Variants in RANBP2 observed in about 807,000 individuals in gnomAD.
RANBP2 encodes the protein RAN binding protein 2.
In RANBP2, 57 loss-of-function variants were observed where a neutral mutation model predicts 303.6. The ratio of observed to expected loss-of-function variants is 0.19; its 90% confidence interval spans 0.15 to 0.23. The LOEUF is 0.23. RANBP2 is among the 10% of genes least tolerant of loss of function. RANBP2 has a pLI of 1.00. For synonymous variants in RANBP2, 1,167 were observed against 1,301.5 expected (o/e 0.90, Z 2.23); for missense variants, 3,138 against 3,780.8 (o/e 0.83, Z 4.46).
At chr2:109,723,900 G>A in the RANBP2 span, among the ~76,000 whole-genome samples, 1 of 152,088 alleles carries the variant, frequency 6.6e-6, no homozygotes, top group African/African-American at 2.4e-5. Context: ...TATAGTTTTG[G>A]GTTTTACATT....
the RANBP2 span, chr2:108,794,618 C>G: frequency 1.2e-6 from 2 of 1,614,076 alleles, no homozygotes; most frequent in Non-Finnish European, 8.5e-7. Context: ...CCTTTGAAAC[C>G]TGTCAGCTGT....
the RANBP2 span, among the ~76,000 whole-genome samples, chr2:109,320,815 C>T: frequency 6.6e-6 from 1 of 152,180 alleles, no homozygotes; most frequent in Admixed American, 6.5e-5. Flanking sequence ...CATGGACAGG[C>T]AGAGTGGTCA....
chr2:109,419,135 G>C, the RANBP2 span, among the ~76,000 whole-genome samples: 1 of 152,222 alleles, frequency 6.6e-6, no homozygotes, highest in Non-Finnish European at 1.5e-5. Flanking sequence ...TTAATCTCCA[G>C]TTCCTGGGGA....
chr2:109,507,929 G>T, the RANBP2 span, among the ~76,000 whole-genome samples: 1 of 152,310 alleles, frequency 6.6e-6, no homozygotes, highest in South Asian at 2.1e-4. Context: ...CGTGGGCAAA[G>T]CCTGTCCTGT....
At chr2:109,485,960 G>T in the RANBP2 span, among the ~76,000 whole-genome samples, 1 of 152,220 alleles carries the variant, frequency 6.6e-6, no homozygotes, top group Non-Finnish European at 1.5e-5. Flanking sequence ...GGAAGGTGGG[G>T]GCTCACCTGG....
the RANBP2 span, among the ~76,000 whole-genome samples, chr2:108,980,467 A>G: frequency 3.4e-4 from 52 of 152,270 alleles, no homozygotes; most frequent in African/African-American, 2.4e-5. Flanking sequence ...GTTCAAATAT[A>G]TATATATTCA....
chr2:109,127,874 T>C, the RANBP2 span: 1 of 152,192 alleles, frequency 6.6e-6, no homozygotes. Context: ...TATAAATAAA[T>C]AAAATAATTA....
chr2:108,749,208 C>G (rs528659970), intron 9 of RANBP2, 79 bp downstream of exon 9: 4 of 1,602,410 alleles, frequency 2.5e-6, no homozygotes, highest in Non-Finnish European at 1.7e-6. Context: ...CCAGAAATAA[C>G]GACTTAATAT....
At chr2:109,761,883 C>T in the RANBP2 span, among the ~76,000 whole-genome samples, 4 of 151,426 alleles carry the variant, frequency 2.6e-5, no homozygotes, top group Admixed American at 6.6e-5. Context: ...TCACATGTGT[C>T]TAAAACTGCA....
the RANBP2 span, among the ~76,000 whole-genome samples, chr2:109,067,968 G>A: frequency 2.0e-5 from 3 of 152,114 alleles, no homozygotes; most frequent in Admixed American, 2.0e-4. Flanking sequence ...CTGCTGCTCT[G>A]GGGACTTTGC....
the RANBP2 span, among the ~76,000 whole-genome samples, chr2:109,366,015 A>G: frequency 6.6e-6 from 1 of 152,348 alleles, no homozygotes; most frequent in East Asian, 1.9e-4. Flanking sequence ...GGCATATAAG[A>G]CAATTCTGTT....
chr2:109,616,251 A>T, the RANBP2 span: 1 of 943,508 alleles, frequency 1.1e-6, no homozygotes. Flanking sequence ...TTTTTCAGAG[A>T]TTCATCATAC....
chr2:109,442,175 T>C, the RANBP2 span, among the ~76,000 whole-genome samples: 1 of 151,874 alleles, frequency 6.6e-6, no homozygotes, highest in Non-Finnish European at 1.5e-5. Context: ...GCCAGGCGTG[T>C]TGGCGGGCGC....
chr2:109,683,230 T>C, the RANBP2 span, among the ~76,000 whole-genome samples: 3 of 152,148 alleles, frequency 2.0e-5, no homozygotes, highest in African/African-American at 7.2e-5. Flanking sequence ...GGTCTCGAAC[T>C]CCTGACCTCA....
At chr2:109,243,325 C>T in the RANBP2 span, among the ~76,000 whole-genome samples, 2 of 152,232 alleles carry the variant, frequency 1.3e-5, no homozygotes, top group African/African-American at 4.8e-5. Flanking sequence ...CTTTTGCAGC[C>T]CTGAGATTCC....
At chr2:108,964,309 C>T in the RANBP2 span, among the ~76,000 whole-genome samples, 1 of 152,122 alleles carries the variant, frequency 6.6e-6, no homozygotes, top group African/African-American at 2.4e-5. Context: ...CAGCCAGAAG[C>T]CCCTGCCAGG....
the RANBP2 span, among the ~76,000 whole-genome samples, chr2:109,335,407 C>T: frequency 6.6e-6 from 1 of 152,316 alleles, no homozygotes; most frequent in East Asian, 1.9e-4. Context: ...CAGCCCCTAC[C>T]CTGGGAAGCC....
chr2:108,875,638 G>T, the RANBP2 span, among the ~76,000 whole-genome samples: 1 of 152,126 alleles, frequency 6.6e-6, no homozygotes, highest in Non-Finnish European at 1.5e-5. Context: ...AAGGAGGATC[G>T]CCTGAGCCCA....
At chr2:108,786,033 CTCAG>C (rs143249492), downstream of RANBP2, among the ~76,000 whole-genome samples, 3,669 of 152,080 alleles carry the variant, frequency 0.024, 139 homozygotes, top group African/African-American at 0.084. Flanking sequence ...TACAGTTCCC[CTCAG>C]TCAGTTTTGT....
Sources: gnomAD v4.1 joint callset for allele counts (sites outside exome capture counted in the v4.1 genomes callset) on GRCh38, gnomAD v4.1.1 for gene constraint, MANE v1.5 for transcripts, NCBI Gene and HGNC (gene_info 2026-07-23, HGNC 2026-07-21) for gene names.